The following GPX3 variants were observed in gnomAD, a reference collection of about 807,000 sequenced individuals.
GPX3 encodes the protein glutathione peroxidase 3.
In GPX3, 22 loss-of-function variants were observed where a neutral mutation model predicts 25.1. The ratio of observed to expected loss-of-function variants is 0.88; its 90% confidence interval spans 0.63 to 1.25. The LOEUF (loss-of-function observed/expected upper bound fraction) is 1.25, where lower values mean the gene tolerates loss of function less well. Among genes scored for constraint, GPX3 ranks in the 50% most tolerant of loss-of-function variants. GPX3 has a pLI of 0.00. For synonymous variants in GPX3, 110 were observed against 114.5 expected (o/e 0.96, Z 0.25); for missense variants, 278 against 286.6 (o/e 0.97, Z 0.22).
intron 4 of GPX3, 145 bp from the exon 5 acceptor site, chr5:151,027,764 T>C: frequency 1.3e-6 from 1 of 767,062 alleles, no homozygotes; most frequent in Non-Finnish European, 2.3e-6. Flanking sequence ...CACAATCTTC[T>C]AGAGCCACAG....
At position 151,020,633 on chromosome 5, in the gene GPX3, C is replaced by T. The variant is rs919651803; in HGVS notation, c.-22C>T. Reference sequence around the variant, plus strand: ...GGATCAGGCAGCGGCTCAGGCGACCCTGAGTGTGCCCCCACCCCGCCATGG... The same window carrying T: ...GGATCAGGCAGCGGCTCAGGCGACCTTGAGTGTGCCCCCACCCCGCCATGG... On this transcript the variant is annotated 5_prime_UTR_variant, in exon 1 of 5. Transcript: ENST00000388825. 6.3e-7 allele frequency: 1 copy of T among 1,596,486 alleles called. No individual in the cohort carries two copies. Among genetic ancestry groups the T allele is most frequent in the Non-Finnish European group, 8.5e-7 (1 of 1,172,948 alleles).
rs1419250961 is a variant in GPX3 at position 151,025,345 on chromosome 5, C to T, written c.93C>T (p.Asp31=). 6.3e-7 allele frequency: 1 copy of T among 1,583,132 alleles called. No individual in the cohort carries two copies. Among genetic ancestry groups the T allele is most frequent in the East Asian group, 2.3e-5 (1 of 43,100 alleles). The part of the protein sequence containing the change: ...QSRGQEKSKM[D]CHGGISGTIY... ...TTTTATGGCCTGTGTTCCAGATGGACTGCCATGGTGGCATAAGTGGCACCA... is the reference window on the plus strand; with the variant it reads ...TTTTATGGCCTGTGTTCCAGATGGATTGCCATGGTGGCATAAGTGGCACCA... Residue 31 remains aspartate (D), a synonymous_variant, in exon 2 of 5, where the codon GAC becomes GAT. Transcript: ENST00000388825.
chr5:151,025,267 T>C (rs1312168532), intron 1 of GPX3, 73 bp from the exon 2 acceptor site: 4 of 1,286,202 alleles, frequency 3.1e-6, no homozygotes, highest in Non-Finnish European at 4.2e-6. Context: ...TTGGGATCTT[T>C]CATTCTTTTG....
chr5:151,023,181 A>G (rs1189337837), intron 1 of GPX3, among the ~76,000 whole-genome samples: 1 of 152,104 alleles, frequency 6.6e-6, no homozygotes, highest in Non-Finnish European at 1.5e-5. Flanking sequence ...CCACTGTTTC[A>G]GATGCGGTGC....
chr5:151,024,949 A>G (rs940592982), intron 1 of GPX3, among the ~76,000 whole-genome samples: 1 of 152,164 alleles, frequency 6.6e-6, no homozygotes, highest in African/African-American at 2.4e-5. Flanking sequence ...GAACCCAGTC[A>G]TCAGCTTTAG....
intron 1 of GPX3, among the ~76,000 whole-genome samples, chr5:151,023,097 T>C (rs1414232407): frequency 1.3e-5 from 2 of 152,064 alleles, no homozygotes; most frequent in Admixed American, 6.6e-5. Context: ...TCTCAAGCCA[T>C]TGGAACCCTC....
intron 3 of GPX3, 23 bp downstream of exon 3, chr5:151,027,040 G>A (rs1756561304): frequency 2.0e-6 from 3 of 1,489,174 alleles, no homozygotes; most frequent in Non-Finnish European, 2.8e-6. Flanking sequence ...TCAGCATCCT[G>A]AGAAAGCTCC....
chr5:151,020,668 T>C lies in GPX3; in HGVS notation c.14T>C (p.Leu5Pro). The C allele has an allele frequency of 6.2e-7, 1 of 1,610,124 alleles. No individual in the cohort carries two copies. The highest frequency in any genetic ancestry group is 2.2e-5 in the East Asian group (1 of 44,806). Residue 5 changes from leucine (L) to proline (P), a missense_variant, in exon 1 of 5, where the codon CTG becomes CCG. Leu to Pro is a moderately conservative substitution (Grantham distance 98). Coordinates refer to ENST00000388825, the MANE Select transcript of GPX3 (RefSeq NM_002084.5). Reference protein sequence around the residue: MARLLQASCLLSLLL... With the variant: MARLPQASCLLSLLL... ...CCCCACCCCGCCATGGCCCGGCTGC[T>C]GCAGGCGTCCTGCCTGCTTTCCCTG...
chr5:151,027,536 G>A lies in GPX3; in HGVS notation c.459+5G>A. 1 of 1,579,530 alleles carries A rather than the reference G, an allele frequency of 6.3e-7. No homozygotes were observed. The highest frequency in any genetic ancestry group is 8.7e-7 in the Non-Finnish European group (1 of 1,148,558). On this transcript the variant is annotated splice_donor_5th_base_variant and intron_variant, in intron 4 of 4. Coordinates refer to ENST00000388825, the MANE Select transcript of GPX3 (RefSeq NM_002084.5). ...AAATTCTACACTTTCCTAAAGGTAA[G>A]TGAGCTGCCACCTGTGCTGGCTGGG...
chr5:151,027,631 G>A (rs1403223309), intron 4 of GPX3, 100 bp downstream of exon 4: 4 of 803,182 alleles, frequency 5.0e-6, no homozygotes. Context: ...CTGGGCTCTT[G>A]GGGAATTTCT....
intron 1 of GPX3, 30 bp downstream of exon 1, chr5:151,020,771 A>AG: frequency 6.3e-7 from 1 of 1,590,534 alleles, no homozygotes; most frequent in Non-Finnish European, 8.6e-7. Context: ...GGGGGCCGGG[A>AG]GAAAAAACCT....
intron 1 of GPX3, among the ~76,000 whole-genome samples, chr5:151,024,666 CG>C (rs1434141844): frequency 1.3e-5 from 2 of 152,160 alleles, no homozygotes; most frequent in African/African-American, 4.8e-5. Flanking sequence ...TGCTCAGACC[CG>C]GAACATTAAC....
At position 151,028,217 on chromosome 5, in the gene GPX3, C is replaced by T; in HGVS notation, c.*87C>T. 8.6e-7 allele frequency: 1 copy of T among 1,161,880 alleles called. No individual in the cohort carries two copies. Among genetic ancestry groups the T allele is most frequent in the Non-Finnish European group, 1.3e-6 (1 of 798,294 alleles). 72.0% of individuals were successfully genotyped at this position (1,161,880 alleles called of 1,614,324 possible). ...CGTGTCTCCAACCACACTATCTACC[C>T]ATCACAGACCCCTTTCCTATCACTC... On this transcript the variant is annotated 3_prime_UTR_variant, in exon 5 of 5. Transcript: ENST00000388825.
chr5:151,023,650 G>A (rs1009301202), intron 1 of GPX3, among the ~76,000 whole-genome samples: 1 of 152,126 alleles, frequency 6.6e-6, no homozygotes, highest in Non-Finnish European at 1.5e-5. Flanking sequence ...AGACATGCCT[G>A]GCTTTCTGGC....
Position 151,028,532 on chromosome 5 carries a change from C to T in GPX3, c.*402C>T, listed in dbSNP as rs1485144415. 8.9e-6 allele frequency: 2 copies of T among 225,032 alleles called. No homozygotes were observed. Among genetic ancestry groups the T allele is most frequent in the East Asian group, 2.3e-4 (2 of 8,628 alleles). 13.9% of individuals were successfully genotyped at this position (225,032 alleles called of 1,614,324 possible). On this transcript the variant is annotated 3_prime_UTR_variant, in exon 5 of 5. Coordinates refer to ENST00000388825, the MANE Select transcript of GPX3 (RefSeq NM_002084.5). ...CCAAAGGAAAAACCAGCTCTAGGTC[C>T]AATTGTTCTGCTCTAACTGATACCT...
In GPX3 at chr5:151,027,457, GT is replaced by G; in HGVS notation, c.386del (p.Val129AlafsTer?). 6.2e-7 allele frequency: 1 copy of G among 1,613,756 alleles called. No individual in the cohort carries two copies. On this transcript the variant is annotated frameshift_variant, in exon 4 of 5. Transcript: ENST00000388825. LOFTEE classifies it high-confidence loss of function. Reference sequence around the variant, plus strand: ...GTATGTCCGACCAGGTGGAGGCTTTGTCCCTAATTTCCAGCTCTTTGAGAAA... The same window carrying G: ...GTATGTCCGACCAGGTGGAGGCTTTGCCCTAATTTCCAGCTCTTTGAGAAA... ...LKYVRPGGGF[V>X]PNFQLFEKGD...
At chr5:151,026,269 C>A (rs1358620802) in intron 2 of GPX3, among the ~76,000 whole-genome samples, 3 of 152,324 alleles carry the variant, frequency 2.0e-5, no homozygotes, top group Non-Finnish European at 4.4e-5. Flanking sequence ...GGCAATTTGA[C>A]CCTCCATGCT....
chr5:151,027,563 C>A (rs62382298), intron 4 of GPX3, 32 bp downstream of exon 4: 1 of 1,392,838 alleles, frequency 7.2e-7, no homozygotes, highest in Non-Finnish European at 1.0e-6. Context: ...CTGGCTGGGG[C>A]TGCAGCCCCT....
At position 151,025,344 on chromosome 5, in the gene GPX3, A is replaced by T; in HGVS notation, c.92A>T (p.Asp31Val). ...QSRGQEKSKM[D>V]CHGGISGTIY... ...CTTTTATGGCCTGTGTTCCAGATGGACTGCCATGGTGGCATAAGTGGCACC... is the reference window on the plus strand; with the variant it reads ...CTTTTATGGCCTGTGTTCCAGATGGTCTGCCATGGTGGCATAAGTGGCACC... The change falls in exon 2 of 5, where the codon GAC (aspartate) becomes GTC (valine). Residue 31 changes from aspartate (D) to valine (V), a missense_variant. By Grantham distance (152) the Asp-to-Val change is radical. Transcript: ENST00000388825. The T allele has an allele frequency of 6.3e-7, 1 of 1,582,566 alleles. No individual in the cohort carries two copies. The highest frequency in any genetic ancestry group is 8.6e-7 in the Non-Finnish European group (1 of 1,162,440).
Sources: allele counts gnomAD v4.1 joint callset (sites outside exome capture counted in the v4.1 genomes callset), GRCh38; gene constraint gnomAD v4.1.1; transcripts MANE v1.5; gene names NCBI Gene and HGNC (gene_info 2026-07-23, HGNC 2026-07-21).